The following MACROD2 variants were observed in gnomAD, a reference collection of about 807,000 sequenced individuals.
MACROD2 encodes ADP-ribose glycohydrolase MACROD2.
MACROD2 carries 36 observed loss-of-function variants against 70.4 expected under a neutral mutation model. That is an observed-to-expected ratio of 0.51 (90% confidence interval 0.39 to 0.68). MACROD2 has a LOEUF of 0.68. Ranked by LOEUF, MACROD2 falls within the 30% of genes least tolerant of loss-of-function variation. The pLI is 0.00. For missense variants in MACROD2, 496 were observed against 538.4 expected (o/e 0.92, Z 0.78); for synonymous variants, 172 against 178.8 (o/e 0.96, Z 0.30).
At chr20:15,673,957 C>A (rs1210216508) in intron 8 of MACROD2, among the ~76,000 whole-genome samples, 1 of 152,084 alleles carries the variant, frequency 6.6e-6, no homozygotes, top group Non-Finnish European at 1.5e-5. Flanking sequence ...TTTGAGTAGC[C>A]ATATGTGGCT....
chr20:15,349,194 A>C (rs1010630832), intron 6 of MACROD2, among the ~76,000 whole-genome samples: 1 of 151,980 alleles, frequency 6.6e-6, no homozygotes, highest in African/African-American at 2.4e-5. Flanking sequence ...GTTCGTGTCA[A>C]CTCTTTCAAA....
intron 8 of MACROD2, among the ~76,000 whole-genome samples, chr20:15,581,568 G>C (rs369479539): frequency 6.6e-6 from 1 of 152,160 alleles, no homozygotes; most frequent in African/African-American, 2.4e-5. Flanking sequence ...TCTCTAAGGC[G>C]TTATGGAGGC....
At chr20:14,345,997 G>A (rs1443658979) in intron 3 of MACROD2, among the ~76,000 whole-genome samples, 2 of 150,150 alleles carry the variant, frequency 1.3e-5, no homozygotes, top group Non-Finnish European at 3.0e-5. Flanking sequence ...GGGAGGCTGA[G>A]GCAGGAGAAT....
intron 7 of MACROD2, among the ~76,000 whole-genome samples, chr20:15,462,652 T>C (rs1027317315): frequency 7.9e-5 from 12 of 152,340 alleles, no homozygotes; most frequent in African/African-American, 2.9e-4. Flanking sequence ...CCTTGGTTTG[T>C]TGATTTGAAA....
chr20:14,121,860 T>A (rs555611157), intron 3 of MACROD2, among the ~76,000 whole-genome samples: 7 of 152,340 alleles, frequency 4.6e-5, no homozygotes, highest in African/African-American at 1.7e-4. Context: ...AACATCTTGG[T>A]TGTTAAATTG....
At chr20:16,031,423 A>G (rs1157765583) in intron 15 of MACROD2, among the ~76,000 whole-genome samples, 1 of 152,178 alleles carries the variant, frequency 6.6e-6, no homozygotes, top group Non-Finnish European at 1.5e-5. Flanking sequence ...ATTTTGTAAC[A>G]TCTATGAAGA....
chr20:14,072,710 G>A (rs534409102), intron 2 of MACROD2, among the ~76,000 whole-genome samples: 29 of 152,184 alleles, frequency 1.9e-4, no homozygotes, highest in African/African-American at 6.3e-4. Flanking sequence ...TGAGGTGGGC[G>A]GATCACGAGG....
intron 4 of MACROD2, among the ~76,000 whole-genome samples, chr20:14,586,352 G>A (rs1175982470): frequency 6.6e-6 from 1 of 151,960 alleles, no homozygotes; most frequent in Non-Finnish European, 1.5e-5. Flanking sequence ...GTTCTAGATA[G>A]GTTGATTTAA....
chr20:15,951,179 G>A (rs1392682213), intron 12 of MACROD2, among the ~76,000 whole-genome samples: 9 of 152,052 alleles, frequency 5.9e-5, no homozygotes, highest in Non-Finnish European at 8.8e-5. Flanking sequence ...GTTTCAGAAA[G>A]GGATGTAGCC....
chr20:15,424,269 C>T (rs2046268681), intron 6 of MACROD2, among the ~76,000 whole-genome samples: 1 of 152,204 alleles, frequency 6.6e-6, no homozygotes, highest in Non-Finnish European at 1.5e-5. Context: ...GTAAATATCA[C>T]ATTTAAATGG....
intron 5 of MACROD2, among the ~76,000 whole-genome samples, chr20:15,153,823 G>C (rs1388418998): frequency 6.6e-6 from 1 of 152,158 alleles, no homozygotes; most frequent in African/African-American, 2.4e-5. Flanking sequence ...CTTTATCTGT[G>C]TGCTGGTTGC....
chr20:15,860,346 G>A (rs984990218), intron 8 of MACROD2, among the ~76,000 whole-genome samples: 5 of 152,144 alleles, frequency 3.3e-5, no homozygotes, highest in Non-Finnish European at 7.4e-5. Context: ...TGTCTTCTCA[G>A]ATCTGCATTA....
intron 8 of MACROD2, among the ~76,000 whole-genome samples, chr20:15,791,591 C>T (rs927812050): frequency 3.3e-5 from 5 of 151,810 alleles, no homozygotes; most frequent in African/African-American, 1.2e-4. Context: ...AAAAGATAAA[C>T]ACACATAAAG....
chr20:15,182,433 G>T (rs2076507047), intron 5 of MACROD2, among the ~76,000 whole-genome samples: 1 of 152,180 alleles, frequency 6.6e-6, no homozygotes, highest in Non-Finnish European at 1.5e-5. Flanking sequence ...CAGGAAACCA[G>T]CTAACAAGGT....
intron 3 of MACROD2, among the ~76,000 whole-genome samples, chr20:14,156,009 A>C (rs973459952): frequency 6.6e-6 from 1 of 152,108 alleles, no homozygotes; most frequent in Non-Finnish European, 1.5e-5. Flanking sequence ...ATAAACTACA[A>C]AAATTAGCCA....
chr20:14,135,913 C>T (rs1184773421), intron 3 of MACROD2, among the ~76,000 whole-genome samples: 2 of 152,144 alleles, frequency 1.3e-5, no homozygotes, highest in Non-Finnish European at 2.9e-5. Context: ...TGAATGCTTT[C>T]TCCCTTAGAT....
intron 10 of MACROD2, among the ~76,000 whole-genome samples, chr20:15,933,018 C>G (rs1400876371): frequency 1.3e-5 from 2 of 152,166 alleles, no homozygotes; most frequent in Admixed American, 6.6e-5. Flanking sequence ...AGACTTGTTA[C>G]CGGGACTGCT....
At chr20:15,141,009 C>T (rs554564028) in intron 5 of MACROD2, among the ~76,000 whole-genome samples, 18 of 152,142 alleles carry the variant, frequency 1.2e-4, no homozygotes, top group Non-Finnish European at 2.4e-4. Flanking sequence ...CATTCAGGCA[C>T]TAGCATACAT....
At chr20:15,636,820 G>A (rs533525965) in intron 8 of MACROD2, among the ~76,000 whole-genome samples, 2 of 152,152 alleles carry the variant, frequency 1.3e-5, no homozygotes, top group Non-Finnish European at 2.9e-5. Flanking sequence ...GCCTGAGAAG[G>A]TATGACTCTG....
Sources: gnomAD v4.1 joint callset for allele counts (sites outside exome capture counted in the v4.1 genomes callset) on GRCh38, gnomAD v4.1.1 for gene constraint, MANE v1.5 for transcripts, NCBI Gene and HGNC (gene_info 2026-07-23, HGNC 2026-07-21) for gene names.